The following BCL2 variants were observed in gnomAD, a reference collection of about 807,000 sequenced individuals.
The protein encoded by BCL2 is apoptosis regulator Bcl-2.
BCL2 carries 1 observed loss-of-function variant against 14.2 expected under a neutral mutation model. The observed-to-expected ratio is 0.07, with a 90% CI of 0.02 to 0.33. The LOEUF (loss-of-function observed/expected upper bound fraction) is 0.33. Ranked by LOEUF, BCL2 falls within the 10% of genes least tolerant of loss-of-function variation. BCL2 has a pLI of 0.99. For missense variants in BCL2, 247 were observed against 305.9 expected (o/e 0.81, Z 1.44); for synonymous variants, 151 against 137.2 (o/e 1.10, Z -0.70).
In BCL2 at chr18:63,253,087, T is replaced by C. The variant is rs80022701; in HGVS notation, c.585+64995A>G. ...CACACAGTTTGCGTTTGTTTATGCA[T>C]GGTGTAGCTGCCACTTACGTAGTGT... On this transcript the variant is annotated intron_variant, in intron 2 of 2. Transcript: ENST00000333681. 9.4e-4 allele frequency among the ~76,000 whole-genome samples: 143 copies of C among 152,362 alleles called. 1 individual carries two copies. The highest frequency in any genetic ancestry group is 1.9e-3 in the Non-Finnish European group (128 of 68,028).
chr18:63,299,864 C>T (rs1044577512), intron 2 of BCL2, among the ~76,000 whole-genome samples: 6 of 148,084 alleles, frequency 4.1e-5, no homozygotes, highest in Admixed American at 1.4e-4. Context: ...CCAGGCCAAA[C>T]GGCACCTTCT....
intron 2 of BCL2, among the ~76,000 whole-genome samples, chr18:63,249,380 A>C (rs551702590): frequency 6.6e-6 from 1 of 152,334 alleles, no homozygotes; most frequent in South Asian, 2.1e-4. Flanking sequence ...ACAGAAGGAT[A>C]GATCTGGAAG....
Position 63,242,671 on chromosome 18 carries a change from G to A in BCL2, c.585+75411C>T, listed in dbSNP as rs1911041734. Among the ~76,000 whole-genome samples, 4 of 152,078 alleles carry A rather than the reference G, an allele frequency of 2.6e-5. No homozygotes were observed. In the South Asian group the frequency reaches 8.3e-4, roughly 32 times the overall value. The stretch of plus-strand genomic sequence containing the variant: ...CCCCTCACCCCTGCCACAAAACAAG[G>A]AGGGCATTCTCACCGTTCTCCAGAA... On this transcript the variant is annotated intron_variant, in intron 2 of 2. Coordinates refer to ENST00000333681, the MANE Select transcript of BCL2 (RefSeq NM_000633.3).
intron 2 of BCL2, among the ~76,000 whole-genome samples, chr18:63,251,370 C>A (rs1238141561): frequency 1.3e-5 from 2 of 151,984 alleles, no homozygotes; most frequent in Non-Finnish European, 2.9e-5. Context: ...GACTGTGTAA[C>A]CTTAAGAAAA....
chr18:63,277,459 A>G lies in BCL2; in HGVS notation c.585+40623T>C, dbSNP rs893220581. ...ACCAGCCTGGCGAGACCCTGTCTCT[A>G]TATAAAAAAAAAATTGTTAATGAGC... On this transcript the variant is annotated intron_variant, in intron 2 of 2. Transcript: ENST00000333681. Among the ~76,000 whole-genome samples the G allele has an allele frequency of 1.4e-4, 9 of 63,944 alleles. No homozygotes were observed. The Admixed American group carries it at 1.5e-3, about 10-fold the overall frequency. 41.9% of individuals were successfully genotyped at this position (63,944 alleles called of 152,430 possible). A position where few individuals can be genotyped will look rare whatever the true frequency, so the allele number is the denominator to read the frequency against.
At chr18:63,269,669 C>T (rs1911947002) in intron 2 of BCL2, among the ~76,000 whole-genome samples, 1 of 152,078 alleles carries the variant, frequency 6.6e-6, no homozygotes, top group Non-Finnish European at 1.5e-5. Flanking sequence ...GTTTAATTGA[C>T]TTAAAATATT....
intron 2 of BCL2, among the ~76,000 whole-genome samples, chr18:63,288,621 A>C (rs1285446445): frequency 6.6e-6 from 1 of 152,216 alleles, no homozygotes; most frequent in African/African-American, 2.4e-5. Context: ...GCAACTTGGA[A>C]AATGATTTGG....
At chr18:63,309,034 A>C (rs1913226798) in intron 2 of BCL2, among the ~76,000 whole-genome samples, 1 of 152,188 alleles carries the variant, frequency 6.6e-6, no homozygotes, top group Non-Finnish European at 1.5e-5. Flanking sequence ...TTGGAACAAT[A>C]CTAATTTGAC....
chr18:63,295,995 T>C (rs1037106273), intron 2 of BCL2, among the ~76,000 whole-genome samples: 1 of 152,166 alleles, frequency 6.6e-6, no homozygotes, highest in African/African-American at 2.4e-5. Context: ...GACCCTGCCC[T>C]TCCCCAATGG....
chr18:63,161,252 C>T (rs976408685), intron 2 of BCL2, among the ~76,000 whole-genome samples: 3 of 152,138 alleles, frequency 2.0e-5, no homozygotes, highest in African/African-American at 7.2e-5. Context: ...TGAAATCCCC[C>T]CCTTGGACCA....
chr18:63,262,010 C>T (rs1248714886), intron 2 of BCL2, among the ~76,000 whole-genome samples: 1 of 152,140 alleles, frequency 6.6e-6, no homozygotes, highest in African/African-American at 2.4e-5. Flanking sequence ...GAACTCCTGA[C>T]CTCAAGTGAT....
intron 2 of BCL2, among the ~76,000 whole-genome samples, chr18:63,235,747 A>T (rs909332622): frequency 2.6e-5 from 4 of 151,998 alleles, no homozygotes; most frequent in African/African-American, 9.7e-5. Context: ...ACATTTATAC[A>T]CAATCTTATT....
At chr18:63,180,681 G>C (rs923086692) in intron 2 of BCL2, among the ~76,000 whole-genome samples, 1 of 152,194 alleles carries the variant, frequency 6.6e-6, no homozygotes, top group African/African-American at 2.4e-5. Context: ...TTGTAGGATA[G>C]GGGGTCTCCA....
chr18:63,316,109 A>G (rs1338421326), intron 2 of BCL2: 1 of 152,634 alleles, frequency 6.6e-6, no homozygotes, highest in Non-Finnish European at 1.5e-5. Context: ...TAGGTCTACT[A>G]TGAAAACTCT....
intron 2 of BCL2, among the ~76,000 whole-genome samples, chr18:63,264,807 T>C (rs932383420): frequency 4.9e-5 from 1 of 20,592 alleles, no homozygotes; most frequent in Non-Finnish European, 1.0e-4. Context: ...TTCCAGTCAA[T>C]ATGACACCCC....
At chr18:63,175,152 C>G (rs1915324918) in intron 2 of BCL2, among the ~76,000 whole-genome samples, 1 of 152,122 alleles carries the variant, frequency 6.6e-6, no homozygotes. Flanking sequence ...CTTTGGGCAA[C>G]CAAATCACTA....
intron 2 of BCL2, among the ~76,000 whole-genome samples, chr18:63,198,527 GACACACAT>G (rs1909532631): frequency 8.3e-6 from 1 of 121,008 alleles, no homozygotes; most frequent in African/African-American, 3.4e-5. Context: ...CATAGACACA[GACACACAT>G]TGACACACAG....
intron 2 of BCL2, among the ~76,000 whole-genome samples, chr18:63,283,821 A>G (rs1162877120): frequency 6.6e-6 from 1 of 152,214 alleles, no homozygotes; most frequent in Non-Finnish European, 1.5e-5. Context: ...AGTTTGGTTC[A>G]GAGGAAGCAA....
At chr18:63,302,551 G>A in intron 2 of BCL2, 3 of 985,258 alleles carry the variant, frequency 3.0e-6, no homozygotes, top group African/African-American at 1.7e-5. Flanking sequence ...ATGTTGAATT[G>A]AAATTTTTTA....
Sources: allele counts gnomAD v4.1 joint callset (sites outside exome capture counted in the v4.1 genomes callset), GRCh38; gene constraint gnomAD v4.1.1; transcripts MANE v1.5; gene names NCBI Gene and HGNC (gene_info 2026-07-23, HGNC 2026-07-21).